The following IFT140 variants were observed in gnomAD, a reference collection of about 807,000 sequenced individuals.
IFT140 encodes the protein intraflagellar transport protein 140 homolog.
Under a neutral mutation model 164.6 loss-of-function variants are expected in IFT140, and 133 were observed. The observed-to-expected ratio is 0.81, with a 90% CI of 0.70 to 0.93. The LOEUF is 0.93. Ranked by LOEUF, IFT140 falls within the 40% of genes least tolerant of loss-of-function variation. IFT140 has a pLI of 0.00. For missense variants in IFT140, 2,045 were observed against 1,972.3 expected, an observed-to-expected ratio of 1.04 and a Z score of -0.70; for synonymous variants, 860 against 817.3, an observed-to-expected ratio of 1.05 and a Z score of -0.89.
rs966380852 is a variant in IFT140, at chr16:1,531,821, T to G, written c.2400-5025A>C. The G allele has an allele frequency of 6.6e-6, 1 of 152,222 alleles. No homozygotes were observed. The highest frequency in any genetic ancestry group is 1.5e-5 in the Non-Finnish European group (1 of 68,080). The allele number at this position is 152,222 out of a possible 1,614,324, so 9.4% of individuals were successfully genotyped here. A position where few individuals can be genotyped will look rare whatever the true frequency, so the allele number is the denominator to read the frequency against. On this transcript the variant is annotated intron_variant, in intron 19 of 30. Coordinates refer to ENST00000426508, the MANE Select transcript of IFT140 (RefSeq NM_014714.4). This position sits in a 1 kb window ranked among gnomAD's most constrained non-coding sequence, Gnocchi z 4.7. Reference sequence around the variant, plus strand: ...GACTTCTGGGGGTGCTGCCGCTGTGTAGGAGTCTGGCCGTGGCCTCCTCCC... The same window carrying G: ...GACTTCTGGGGGTGCTGCCGCTGTGGAGGAGTCTGGCCGTGGCCTCCTCCC...
At chr16:1,611,939 T>TA (rs2036331344) in intron 1 of IFT140, 29 bp downstream of exon 1, 1 of 151,996 alleles carries the variant, frequency 6.6e-6, no homozygotes, top group East Asian at 1.9e-4. Flanking sequence ...CAGAAGCACA[T>TA]ACTCCACCCA....
At chr16:1,566,063 T>A in intron 16 of IFT140, 98 bp downstream of exon 16, 1 of 1,217,098 alleles carries the variant, frequency 8.2e-7, no homozygotes, top group South Asian at 1.3e-5. Context: ...TGCTGGGGCC[T>A]TTTGAAGGCG....
In IFT140 at chr16:1,551,241, C is replaced by G. The variant is rs2032609675; in HGVS notation, c.2399+6694G>C. 6.6e-6 allele frequency among the ~76,000 whole-genome samples: 1 copy of G among 152,176 alleles called. No homozygotes were observed. The highest frequency in any genetic ancestry group is 1.5e-5 in the Non-Finnish European group (1 of 68,032). On this transcript the variant is annotated intron_variant, in intron 19 of 30. Transcript: ENST00000426508. The surrounding 1 kb of genome is among the most constrained non-coding windows in gnomAD (Gnocchi z 4.0). ...GAGCCTGCCCTGTGGCGGGGGAGAG[C>G]GGCCAGAGCCACCCATGGGTAAAGA...
chr16:1,592,345 G>A, intron 5 of IFT140, 27 bp from the exon 6 acceptor site: 1 of 1,613,884 alleles, frequency 6.2e-7, no homozygotes. Context: ...CACGAAGCAA[G>A]ATTCTTCTGC....
At chr16:1,587,531 T>C (rs1596418072) in intron 8 of IFT140, among the ~76,000 whole-genome samples, 1 of 151,988 alleles carries the variant, frequency 6.6e-6, no homozygotes, top group South Asian at 2.1e-4. Flanking sequence ...TGGCAGGAGG[T>C]CGCCAAGAGA....
At position 1,587,521 on chromosome 16, in the gene IFT140, T is replaced by C. The variant is rs532136459; in HGVS notation, c.903-217A>G. On this transcript the variant is annotated intron_variant, in intron 8 of 30. Coordinates refer to ENST00000426508, the MANE Select transcript of IFT140 (RefSeq NM_014714.4). ...TTGCCGATAGATGGTGGTTTGTATATGGCAGGAGGTCGCCAAGAGAACACA... is the reference window on the plus strand; with the variant it reads ...TTGCCGATAGATGGTGGTTTGTATACGGCAGGAGGTCGCCAAGAGAACACA... Among the ~76,000 whole-genome samples, 21 of 152,330 alleles carry C rather than the reference T, an allele frequency of 1.4e-4. No homozygotes were observed. In the East Asian group the frequency reaches 3.1e-3, roughly 22 times the overall value.
Position 1,611,217 on chromosome 16 carries a change from G to A in IFT140, c.-221-364C>T, listed in dbSNP as rs1351076733. ...CGAGGCAGGGAGCGCCCCCAAGAAA[G>A]CAGCTGGCGGCCGGACGCGGGGCTC... On this transcript the variant is annotated intron_variant, in intron 1 of 30. Transcript: ENST00000426508. Among the ~76,000 whole-genome samples the A allele has an allele frequency of 2.0e-5, 3 of 152,344 alleles. No individual in the cohort carries two copies. The East Asian group carries it at 5.8e-4, about 29-fold the overall frequency.
intron 19 of IFT140, among the ~76,000 whole-genome samples, chr16:1,535,531 A>G (rs1172863195): frequency 6.6e-6 from 1 of 152,206 alleles, no homozygotes; most frequent in Non-Finnish European, 1.5e-5. Flanking sequence ...TCTCTGAGGC[A>G]GTGCCTCTGC....
intron 19 of IFT140, chr16:1,554,754 G>A (rs1387387524): frequency 6.2e-7 from 1 of 1,610,612 alleles, no homozygotes; most frequent in Admixed American, 1.7e-5. Context: ...TCTCAGACAA[G>A]GCCTCTCAAC....
rs2033701264 is a variant in IFT140 at position 1,566,141 on chromosome 16, C to T, written c.1901+20G>A. 3 of 1,609,052 alleles carry T rather than the reference C, an allele frequency of 1.9e-6. No individual in the cohort carries two copies. The highest frequency in any genetic ancestry group is 2.5e-6 in the Non-Finnish European group (3 of 1,176,898). On this transcript the variant is annotated intron_variant, in intron 16 of 30. Transcript: ENST00000426508. The stretch of plus-strand genomic sequence containing the variant: ...GAACATCATTTTTTCCAACAAAATC[C>T]TCCTGAACCACAATCTTACTTATTA...
chr16:1,541,864 GCGTGGC>G, intron 19 of IFT140: 1 of 1,496,586 alleles, frequency 6.7e-7, no homozygotes. Flanking sequence ...GTGACGGCTG[GCGTGGC>G]CTCTGGAGCC....
At chr16:1,581,519 G>C (rs1596403711) in intron 12 of IFT140, among the ~76,000 whole-genome samples, 1 of 151,542 alleles carries the variant, frequency 6.6e-6, no homozygotes, top group Admixed American at 6.6e-5. Flanking sequence ...AGAATCGCTT[G>C]AGCCCAGGAG....
chr16:1,610,342 C>A (rs1457593868), intron 2 of IFT140: 1 of 154,890 alleles, frequency 6.5e-6, no homozygotes, highest in Non-Finnish European at 1.5e-5. Context: ...CTCGTTTGTC[C>A]CGTTTCGCCT....
Position 1,516,790 on chromosome 16 carries a change from AT to A in IFT140, c.4182+1425del, listed in dbSNP as rs1316715369. On this transcript the variant is annotated intron_variant, in intron 30 of 30. Coordinates refer to ENST00000426508, the MANE Select transcript of IFT140 (RefSeq NM_014714.4). ...GTCTCAAAAAAAAAAAAAAAAAAAA[AT>A]CAACTAAAAAGAAGGCAGGAAAAAA... is the stretch of plus-strand genomic sequence containing the variant. 6.6e-3 allele frequency among the ~76,000 whole-genome samples: 983 copies of A among 148,774 alleles called. 10 individuals carry two copies. Among genetic ancestry groups the A allele is most frequent in the Non-Finnish European group, 0.01 (677 of 67,260 alleles).
chr16:1,561,199 C>T (rs2033388424), intron 18 of IFT140, among the ~76,000 whole-genome samples: 2 of 152,262 alleles, frequency 1.3e-5, no homozygotes, highest in African/African-American at 4.8e-5. Flanking sequence ...AGGCACTCCA[C>T]CGTGTCTCAG....
At chr16:1,582,491 C>A in intron 12 of IFT140, among the ~76,000 whole-genome samples, 1 of 152,362 alleles carries the variant, frequency 6.6e-6, no homozygotes, top group African/African-American at 2.4e-5. Flanking sequence ...GACCTCTGGC[C>A]TCCAGAACTA....
At chr16:1,570,949 G>A (rs1449316786) in intron 14 of IFT140, among the ~76,000 whole-genome samples, 1 of 152,096 alleles carries the variant, frequency 6.6e-6, no homozygotes, top group East Asian at 1.9e-4. Flanking sequence ...TAGAGACAGG[G>A]TTTTGCTATG....
intron 2 of IFT140, among the ~76,000 whole-genome samples, chr16:1,608,002 GAAAA>G (rs1170339251): frequency 6.6e-6 from 1 of 151,834 alleles, no homozygotes; most frequent in Non-Finnish European, 1.5e-5. Flanking sequence ...TACTGGTACA[GAAAA>G]AAAACCAGTA....
chr16:1,545,430 C>G (rs900218447), intron 19 of IFT140, among the ~76,000 whole-genome samples: 1 of 152,208 alleles, frequency 6.6e-6, no homozygotes, highest in African/African-American at 2.4e-5. Flanking sequence ...GCATTTTGGC[C>G]CTGTTTAGAC....
Sources: gnomAD v4.1 joint callset for allele counts (sites outside exome capture counted in the v4.1 genomes callset) on GRCh38, gnomAD v4.1.1 for gene constraint, Gnocchi (gnomAD v3.1) non-coding constraint, MANE v1.5 for transcripts, NCBI Gene and HGNC (gene_info 2026-07-23, HGNC 2026-07-21) for gene names.